The following DLGAP1 variants were observed in gnomAD, a reference collection of about 807,000 sequenced individuals.
DLGAP1 encodes disks large-associated protein 1.
A neutral mutation model predicts 90.8 loss-of-function variants in DLGAP1; 11 were observed. That is an observed-to-expected ratio of 0.12 (90% CI 0.08 to 0.20). The LOEUF is 0.20. Ranked by LOEUF, DLGAP1 falls within the 10% of genes least tolerant of loss-of-function variation. The pLI is 1.00. For synonymous variants in DLGAP1, 558 were observed against 540.7 expected (o/e 1.03, Z -0.44); for missense variants, 1,050 against 1,333.8 (o/e 0.79, Z 3.31).
intron 2 of DLGAP1, among the ~76,000 whole-genome samples, chr18:4,130,377 T>C (rs1333094665): frequency 6.6e-6 from 1 of 152,160 alleles, no homozygotes; most frequent in African/African-American, 2.4e-5. Flanking sequence ...TAGTAAGTGA[T>C]GGATTAGTAA....
At chr18:3,819,585 CA>C (rs2067292691) in intron 4 of DLGAP1, among the ~76,000 whole-genome samples, 1 of 152,034 alleles carries the variant, frequency 6.6e-6, no homozygotes, top group South Asian at 2.1e-4. Flanking sequence ...TGGAAAAAAA[CA>C]TAAGTTCACA....
intron 1 of DLGAP1, among the ~76,000 whole-genome samples, chr18:4,453,350 A>T (rs1186479171): frequency 6.9e-6 from 1 of 144,110 alleles, no homozygotes; most frequent in Non-Finnish European, 1.5e-5. Context: ...CCTTTTAAAA[A>T]CTTAAAGAAA....
intron 5 of DLGAP1, among the ~76,000 whole-genome samples, chr18:3,768,811 T>C (rs570992305): frequency 6.6e-6 from 1 of 152,274 alleles, no homozygotes; most frequent in East Asian, 1.9e-4. Context: ...AATATGAAAC[T>C]ATAAAACTTT....
At chr18:3,900,370 T>A (rs73940252) in intron 3 of DLGAP1, among the ~76,000 whole-genome samples, 2,115 of 152,314 alleles carry the variant, frequency 0.014, 47 homozygotes, top group African/African-American at 0.046. Context: ...CCAGCACAGA[T>A]GTCTGTATTT....
intron 1 of DLGAP1, among the ~76,000 whole-genome samples, chr18:4,386,289 A>AGGCAGTGTCTTCTCAG (rs2082229147): frequency 6.6e-6 from 1 of 152,208 alleles, no homozygotes; most frequent in Non-Finnish European, 1.5e-5. Flanking sequence ...GTAATTTCCC[A>AGGCAGTGTCTTCTCAG]GGCAGTGTCT....
rs545190485 is a variant in DLGAP1, at chr18:3,631,724, G to A, written c.1592-49476C>T. Reference sequence around the variant, plus strand: ...ATTGCACCACTGTACTCCAGCCTGGGCAACAAAGCAAGATCCTGTCTCAAA... The same window carrying A: ...ATTGCACCACTGTACTCCAGCCTGGACAACAAAGCAAGATCCTGTCTCAAA... On this transcript the variant is annotated intron_variant, in intron 7 of 12. Transcript: ENST00000315677. Among the ~76,000 whole-genome samples the A allele has an allele frequency of 3.3e-5, 5 of 152,216 alleles. No individual in the cohort carries two copies. The South Asian group carries it at 6.2e-4, about 19-fold the overall frequency.
intron 7 of DLGAP1, among the ~76,000 whole-genome samples, chr18:3,664,911 G>C (rs1401546259): frequency 6.6e-6 from 1 of 152,192 alleles, no homozygotes; most frequent in Non-Finnish European, 1.5e-5. Flanking sequence ...TCTTTTCTTT[G>C]CACCTTGTGA....
intron 9 of DLGAP1, among the ~76,000 whole-genome samples, chr18:3,536,175 T>C (rs925544619): frequency 6.6e-6 from 1 of 151,722 alleles, no homozygotes; most frequent in African/African-American, 2.4e-5. Context: ...TCTTTCTTTC[T>C]TTCCTTCCTT....
At chr18:4,035,643 C>T (rs562196238) in intron 2 of DLGAP1, among the ~76,000 whole-genome samples, 89 of 152,182 alleles carry the variant, frequency 5.8e-4, no homozygotes, top group African/African-American at 2.1e-3. Context: ...GAAATAAATC[C>T]GTTGAGCTCA....
chr18:4,314,965 A>G (rs539727947), intron 1 of DLGAP1, among the ~76,000 whole-genome samples: 1 of 152,218 alleles, frequency 6.6e-6, no homozygotes, highest in Non-Finnish European at 1.5e-5. Context: ...TTATCTAAAG[A>G]ATATCTGTTT....
intron 2 of DLGAP1, among the ~76,000 whole-genome samples, chr18:4,118,654 G>GGGGAGCTA (rs2076101844): frequency 6.6e-6 from 1 of 151,782 alleles, no homozygotes; most frequent in Non-Finnish European, 1.5e-5. Context: ...CTGGGGAGCT[G>GGGGAGCTA]GGGAGCTGGG....
Position 3,933,539 on chromosome 18 carries a change from G to C in DLGAP1, c.-72-53399C>G, listed in dbSNP as rs150964677. ...TGAAAGGACTCTTGTCTCTTCTTGG[G>C]AGGTTTCCCCTCCATTCTTCCTCTC... On this transcript the variant is annotated intron_variant, in intron 3 of 12. Coordinates refer to ENST00000315677, the MANE Select transcript of DLGAP1 (RefSeq NM_004746.4). 1.9e-3 allele frequency among the ~76,000 whole-genome samples: 283 copies of C among 152,300 alleles called. 1 individual carries two copies. The highest frequency in any genetic ancestry group is 6.4e-3 in the African/African-American group (268 of 41,568).
At chr18:4,265,130 C>T (rs201973239) in intron 1 of DLGAP1, among the ~76,000 whole-genome samples, 1 of 143,040 alleles carries the variant, frequency 7.0e-6, no homozygotes, top group Admixed American at 7.1e-5. Context: ...TTCCTTCCTT[C>T]CTTTCCTCCC....
intron 7 of DLGAP1, among the ~76,000 whole-genome samples, chr18:3,646,856 C>T (rs544710551): frequency 1.1e-3 from 164 of 152,110 alleles, no homozygotes; most frequent in African/African-American, 3.7e-3. Flanking sequence ...ACCCGGGAGG[C>T]GGAGCTTGCA....
At chr18:3,989,447 T>C (rs2073916001) in intron 3 of DLGAP1, among the ~76,000 whole-genome samples, 1 of 152,308 alleles carries the variant, frequency 6.6e-6, no homozygotes, top group South Asian at 2.1e-4. Context: ...GTGTCCACAC[T>C]GAGGCTGTAT....
In DLGAP1 at chr18:3,682,135, A is replaced by AAAAAAAAT. The variant is rs1567956191; in HGVS notation, c.1591+46999_1591+47000insATTTTTTT. On this transcript the variant is annotated intron_variant, in intron 7 of 12. Coordinates refer to ENST00000315677, the MANE Select transcript of DLGAP1 (RefSeq NM_004746.4). ...CTGTCTCAAAAAAAAAAAAAATAAA[A>AAAAAAAAT]AAAAATAAAAATAACGAACGAACTA... 3.7e-4 allele frequency among the ~76,000 whole-genome samples: 55 copies of AAAAAAAAT among 147,768 alleles called. 2 individuals carry two copies. Among genetic ancestry groups the AAAAAAAAT allele is most frequent in the Middle Eastern group, 3.5e-3 (1 of 286 alleles).
At chr18:3,688,614 GACACACACACAC>G (rs60415611) in intron 7 of DLGAP1, among the ~76,000 whole-genome samples, 7,173 of 100,616 alleles carry the variant, frequency 0.071, 240 homozygotes, top group Middle Eastern at 0.11. Flanking sequence ...ATTAAAAAAA[GACACACACACAC>G]ACACACACAC....
intron 1 of DLGAP1, among the ~76,000 whole-genome samples, chr18:4,283,833 G>C (rs1182722025): frequency 6.6e-6 from 1 of 152,114 alleles, no homozygotes; most frequent in Non-Finnish European, 1.5e-5. Context: ...ATGTAAAACT[G>C]TAACTTCAAA....
intron 9 of DLGAP1, among the ~76,000 whole-genome samples, chr18:3,559,755 T>C (rs2053967757): frequency 6.6e-6 from 1 of 151,766 alleles, no homozygotes; most frequent in Admixed American, 6.6e-5. Flanking sequence ...CCCGAGTAGC[T>C]GGGACTATAG....
Sources: gnomAD v4.1 joint callset for allele counts (sites outside exome capture counted in the v4.1 genomes callset) on GRCh38, gnomAD v4.1.1 for gene constraint, MANE v1.5 for transcripts, NCBI Gene and HGNC (gene_info 2026-07-23, HGNC 2026-07-21) for gene names.